The following ARHGEF38 variants were observed in gnomAD, a reference collection of about 807,000 sequenced individuals.
The protein encoded by ARHGEF38 is Rho guanine nucleotide exchange factor 38, also known as Rho guanine nucleotide exchange factor (GEF) 38.
ARHGEF38 carries 79 observed loss-of-function variants against 79.9 expected under a neutral mutation model. The observed-to-expected ratio is 0.99, with a 90% CI of 0.82 to 1.19. ARHGEF38 has a LOEUF of 1.19. Ranked by LOEUF, ARHGEF38 falls within the 50% of genes most tolerant of loss-of-function variation. The probability of loss-of-function intolerance (pLI) is 0.00; values close to 1 mark genes in which losing one functional copy is unlikely to be tolerated. For missense variants in ARHGEF38, 962 were observed against 907.2 expected (o/e 1.06, Z -0.78); for synonymous variants, 366 against 328.3 (o/e 1.11, Z -1.24).
At chr4:105,630,095 A>G (rs17260856) in intron 3 of ARHGEF38, among the ~76,000 whole-genome samples, 12,383 of 152,174 alleles carry the variant, frequency 0.081, 581 homozygotes, top group African/African-American at 0.12. Flanking sequence ...GAACTTTACA[A>G]ATACCACCTC....
chr4:105,669,520 T>C (rs1166420308), intron 13 of ARHGEF38, among the ~76,000 whole-genome samples: 2 of 152,228 alleles, frequency 1.3e-5, no homozygotes, highest in African/African-American at 4.8e-5. Context: ...AGTATGGTTC[T>C]ATTCAGTTTC....
rs774672632 is a variant in ARHGEF38 at position 105,666,268 on chromosome 4, C to A, written c.1637C>A (p.Thr546Asn). 2.6e-6 allele frequency: 4 copies of A among 1,534,800 alleles called. No homozygotes were observed. The highest frequency in any genetic ancestry group is 3.5e-6 in the Non-Finnish European group (4 of 1,146,270). Reference protein sequence around the residue: ...NLNCVKENSATFIERKLSFEK... With the variant: ...NLNCVKENSANFIERKLSFEK... ...AATTGTGTGAAAGAAAACAGTGCCA[C>A]CTTTATTGAGAGGAAACTCAGTTTT... Residue 546 changes from threonine (T) to asparagine (N), a missense_variant, in exon 11 of 14, where the codon ACC (threonine) becomes AAC (asparagine). By Grantham distance (65) the Thr-to-Asn change is moderately conservative. Coordinates refer to ENST00000420470, the MANE Select transcript of ARHGEF38 (RefSeq NM_001242729.2).
intron 1 of ARHGEF38, among the ~76,000 whole-genome samples, chr4:105,566,156 T>C (rs1266382788): frequency 2.0e-5 from 3 of 152,248 alleles, no homozygotes; most frequent in Non-Finnish European, 4.4e-5. Context: ...AGAATTTCTC[T>C]AGACTTGTCC....
At chr4:105,636,372 A>T (rs1016170706) in intron 4 of ARHGEF38, 31 bp from the exon 5 acceptor site, 2 of 410,536 alleles carry the variant, frequency 4.9e-6, no homozygotes, top group Non-Finnish European at 7.4e-6. Flanking sequence ...ACAGATTTAC[A>T]TGAATTTACT....
At chr4:105,669,187 A>C in intron 13 of ARHGEF38, among the ~76,000 whole-genome samples, 1 of 152,198 alleles carries the variant, frequency 6.6e-6, no homozygotes, top group Admixed American at 6.5e-5. Context: ...GAAACATAGC[A>C]TGTATGGTAT....
At chr4:105,589,586 ACAAAACAAAGT>A in intron 2 of ARHGEF38, 151 bp downstream of exon 2, 1 of 686,568 alleles carries the variant, frequency 1.5e-6, no homozygotes, top group South Asian at 2.5e-5. Flanking sequence ...ACAGTTTAGT[ACAAAACAAAGT>A]CCTGCCCTTG....
At chr4:105,649,593 C>T (rs1730013879) in intron 7 of ARHGEF38, among the ~76,000 whole-genome samples, 1 of 151,946 alleles carries the variant, frequency 6.6e-6, no homozygotes, top group African/African-American at 2.4e-5. Context: ...TTATTTTTTC[C>T]TTCTCATTTG....
At chr4:105,561,494 A>AATGGAATGGAATGGAATGGAATG (rs1560684751) in intron 1 of ARHGEF38, 1 of 80,852 alleles carries the variant, frequency 1.2e-5, no homozygotes, top group Non-Finnish European at 2.9e-5. Context: ...AGAATAGAAT[A>AATGGAATGGAATGGAATGGAATG]GAATAGAATA....
intron 1 of ARHGEF38, among the ~76,000 whole-genome samples, chr4:105,584,715 A>T (rs1726950616): frequency 6.6e-6 from 1 of 152,208 alleles, no homozygotes; most frequent in South Asian, 2.1e-4. Flanking sequence ...ACAATTACAT[A>T]TTATTTTATA....
chr4:105,597,789 G>A (rs1366532490), intron 2 of ARHGEF38, among the ~76,000 whole-genome samples: 2 of 152,156 alleles, frequency 1.3e-5, no homozygotes, highest in Admixed American at 6.5e-5. Context: ...ACTTGGTAAA[G>A]GGTACATGGA....
At chr4:105,587,356 A>G (rs1440274748) in intron 1 of ARHGEF38, among the ~76,000 whole-genome samples, 1 of 152,212 alleles carries the variant, frequency 6.6e-6, no homozygotes, top group African/African-American at 2.4e-5. Context: ...CCAAATTCTC[A>G]TAATATAGAT....
intron 3 of ARHGEF38, among the ~76,000 whole-genome samples, chr4:105,630,025 CTT>C (rs1380334524): frequency 2.6e-5 from 4 of 152,102 alleles, no homozygotes; most frequent in African/African-American, 9.7e-5. Context: ...TTCTGTGTCT[CTT>C]ATAAATTAAC....
chr4:105,604,687 A>G (rs546818397), intron 2 of ARHGEF38, among the ~76,000 whole-genome samples: 213 of 152,248 alleles, frequency 1.4e-3, no homozygotes, highest in Non-Finnish European at 2.1e-3. Flanking sequence ...TGAAAAAGTT[A>G]TGAGTATTGC....
intron 1 of ARHGEF38, chr4:105,563,341 T>A (rs779864501): frequency 6.6e-6 from 1 of 152,220 alleles, no homozygotes; most frequent in Non-Finnish European, 1.5e-5. Flanking sequence ...AGAGGGATTA[T>A]GCTGGTCCTC....
intron 1 of ARHGEF38, among the ~76,000 whole-genome samples, chr4:105,574,549 C>CA (rs749100591): frequency 0.01 from 287 of 27,764 alleles, 1 homozygote; most frequent in African/African-American, 0.023. Flanking sequence ...GACTCCATCT[C>CA]AAAAAAAAAA....
chr4:105,680,882 A>G lies in ARHGEF38; in HGVS notation c.*2945A>G, dbSNP rs1480848784. 6.6e-6 allele frequency: 1 copy of G among 152,218 alleles called. No individual in the cohort carries two copies. Among genetic ancestry groups the G allele is most frequent in the African/African-American group, 2.4e-5 (1 of 41,474 alleles). The allele number at this position is 152,218 out of a possible 1,614,324, so 9.4% of individuals were successfully genotyped here. On this transcript the variant is annotated 3_prime_UTR_variant, in exon 14 of 14. Transcript: ENST00000420470. ...ATAAATGTTTTCATTTCAAGTGCCA[A>G]TGTGTGAACTGTAATAAACATTACT...
intron 12 of ARHGEF38, 30 bp from the exon 13 acceptor site, chr4:105,667,414 G>C (rs1182096310): frequency 2.0e-6 from 3 of 1,534,412 alleles, no homozygotes; most frequent in South Asian, 1.2e-5. Context: ...CCATGAACTT[G>C]GTTCTTCTTT....
chr4:105,611,707 T>G (rs1391997770), intron 2 of ARHGEF38, among the ~76,000 whole-genome samples: 3 of 152,064 alleles, frequency 2.0e-5, no homozygotes, highest in Non-Finnish European at 2.9e-5. Flanking sequence ...CATCTCCTAT[T>G]AAAGTGAATG....
intron 5 of ARHGEF38, among the ~76,000 whole-genome samples, chr4:105,638,129 C>T (rs930670023): frequency 2.0e-4 from 31 of 152,110 alleles, no homozygotes; most frequent in African/African-American, 6.8e-4. Context: ...AATGTTGCAG[C>T]CAAAAGGGCA....
Sources: gnomAD v4.1 joint callset for allele counts (sites outside exome capture counted in the v4.1 genomes callset) on GRCh38, gnomAD v4.1.1 for gene constraint, MANE v1.5 for transcripts, NCBI Gene and HGNC (gene_info 2026-07-23, HGNC 2026-07-21) for gene names.